TDRD1: variants seen among roughly 807,000 people sequenced by gnomAD.
The protein encoded by TDRD1 is tudor domain containing 1, also known as tudor domain-containing protein 1.
In TDRD1, 37 loss-of-function variants were observed where a neutral mutation model predicts 140.6. The ratio of observed to expected loss-of-function variants is 0.26; its 90% CI spans 0.20 to 0.35. The LOEUF is 0.35. Ranked by LOEUF, TDRD1 falls within the 10% of genes least tolerant of loss-of-function variation. The pLI, the probability that TDRD1 is intolerant of heterozygous loss-of-function variation, is 1.00. For missense variants in TDRD1, 1,243 were observed against 1,393.0 expected (o/e 0.89, Z 1.71); for synonymous variants, 506 against 475.7 (o/e 1.06, Z -0.83).
chr10:114,218,499 C>T (rs748563814), exon 18 of TDRD1: 26 of 1,611,590 alleles, frequency 1.6e-5, no homozygotes, highest in Admixed American at 3.3e-5. Flanking sequence ...ATGGAAACAT[C>T]GAAGAAGTTA....
intron 13 of TDRD1, 32 bp from the exon 14 acceptor site, chr10:114,211,834 A>G (rs1294626871): frequency 6.7e-7 from 1 of 1,488,400 alleles, no homozygotes; most frequent in African/African-American, 1.5e-5. Context: ...CAGTGGAAAA[A>G]TCATTTGAGA....
At chr10:114,213,107 A>G (rs967204633) in intron 14 of TDRD1, among the ~76,000 whole-genome samples, 9 of 152,074 alleles carry the variant, frequency 5.9e-5, no homozygotes, top group African/African-American at 2.2e-4. Flanking sequence ...GAGTCTGGCC[A>G]TGTTGCCCAG....
intron 1 of TDRD1, chr10:114,179,973 A>G (rs1322456295): frequency 6.6e-5 from 10 of 152,248 alleles, no homozygotes; most frequent in African/African-American, 1.9e-4. Flanking sequence ...CTGTATGCTT[A>G]AATCCAAGGC....
rs2036561982 is a variant in TDRD1 at position 114,228,343 on chromosome 10, G to T, written c.3538+218G>T. 5.4e-6 allele frequency: 7 copies of T among 1,301,968 alleles called. No individual in the cohort carries two copies. In the South Asian group the frequency reaches 1.4e-4, roughly 26 times the overall value. The allele number at this position is 1,301,968 out of a possible 1,614,324, so 80.7% of individuals were successfully genotyped here. A position where few individuals can be genotyped will look rare whatever the true frequency, so the allele number is the denominator to read the frequency against. On this transcript the variant is annotated intron_variant, in intron 25 of 25. Transcript: ENST00000251864. Reference sequence around the variant, plus strand: ...CTGCTAATGGAACTGAACCCCCAGGGGTATTCCAGTTGTAATAGCCTTTCC... The same window carrying T: ...CTGCTAATGGAACTGAACCCCCAGGTGTATTCCAGTTGTAATAGCCTTTCC...
rs1222440937 is a variant in TDRD1 at position 114,228,642 on chromosome 10, TG to T, written c.3538+519del. On this transcript the variant is annotated intron_variant, in intron 25 of 25. Transcript: ENST00000251864. ...AAAAACAAAACATACTCCCTGCTTTTGGCTGTGGTGATTCTAGTGTCTAAAG... is the reference window on the plus strand; with the variant it reads ...AAAAACAAAACATACTCCCTGCTTTTGCTGTGGTGATTCTAGTGTCTAAAG... The T allele has an allele frequency of 6.1e-6, 6 of 985,356 alleles. No individual in the cohort carries two copies. In the African/African-American group the frequency reaches 8.7e-5, roughly 14 times the overall value. The allele number at this position is 985,356 out of a possible 1,614,324, so 61.0% of individuals were successfully genotyped here. A position where few individuals can be genotyped will look rare whatever the true frequency, so the allele number is the denominator to read the frequency against.
At chr10:114,195,380 C>A (rs2034272581) in intron 3 of TDRD1, among the ~76,000 whole-genome samples, 1 of 152,112 alleles carries the variant, frequency 6.6e-6, no homozygotes, top group African/African-American at 2.4e-5. Flanking sequence ...GAGTTCTATC[C>A]TCTTGCTGAT....
At chr10:114,201,299 C>G in intron 4 of TDRD1, 111 bp from the exon 5 acceptor site, 1 of 821,632 alleles carries the variant, frequency 1.2e-6, no homozygotes, top group Non-Finnish European at 2.0e-6. Flanking sequence ...ACACCTGATC[C>G]TAAATAGCAC....
chr10:114,228,688 A>C, intron 25 of TDRD1: 1 of 985,382 alleles, frequency 1.0e-6, no homozygotes, highest in Non-Finnish European at 1.2e-6. Flanking sequence ...GTGAGTTTTA[A>C]ACCAGTGTTC....
intron 1 of TDRD1, among the ~76,000 whole-genome samples, chr10:114,187,544 G>T (rs2033631743): frequency 6.6e-6 from 1 of 152,160 alleles, no homozygotes; most frequent in Non-Finnish European, 1.5e-5. Context: ...AATTAGTGTT[G>T]CCTCAAAAGC....
intron 22 of TDRD1, among the ~76,000 whole-genome samples, chr10:114,226,749 A>G (rs2036461617): frequency 6.6e-6 from 1 of 152,188 alleles, no homozygotes; most frequent in Non-Finnish European, 1.5e-5. Context: ...TGCAGATAAT[A>G]CCATACCGAT....
chr10:114,207,969 TG>T (rs770468846), intron 11 of TDRD1, among the ~76,000 whole-genome samples: 4 of 151,744 alleles, frequency 2.6e-5, no homozygotes, highest in Non-Finnish European at 5.9e-5. Context: ...CGGAAGCAGG[TG>T]GGAGGGTACC....
intron 14 of TDRD1, 59 bp from the exon 15 acceptor site, chr10:114,213,287 A>C (rs1275867427): frequency 6.6e-7 from 1 of 1,508,550 alleles, no homozygotes; most frequent in African/African-American, 1.4e-5. Flanking sequence ...GGAAATTAGG[A>C]GCTAAATTTC....
chr10:114,202,806 C>T (rs1169055039), intron 6 of TDRD1, among the ~76,000 whole-genome samples: 2 of 152,192 alleles, frequency 1.3e-5, no homozygotes, highest in Admixed American at 6.5e-5. Flanking sequence ...ATAATACCTC[C>T]ACCACCACCA....
In TDRD1 at chr10:114,200,501, TTTG is replaced by T. The variant is rs1460870480; in HGVS notation, c.530-900_530-898del. 3.9e-5 allele frequency among the ~76,000 whole-genome samples: 6 copies of T among 152,310 alleles called. No individual in the cohort carries two copies. The South Asian group carries it at 1.2e-3, about 32-fold the overall frequency. ...TGGGTGTGATTCTCATTGTTTATTT[TTTG>T]TTGTTGTTTTTCACGATACACAGCC... On this transcript the variant is annotated intron_variant, in intron 4 of 25. Transcript: ENST00000251864.
exon 2 of TDRD1, chr10:114,187,944 A>G: frequency 1.2e-6 from 2 of 1,614,140 alleles, no homozygotes; most frequent in Non-Finnish European, 8.5e-7. Context: ...CTTCCACCAC[A>G]TGAGTCTTTA....
At chr10:114,226,337 A>C in intron 22 of TDRD1, 121 bp downstream of exon 22, 1 of 630,686 alleles carries the variant, frequency 1.6e-6, no homozygotes, top group Non-Finnish European at 2.7e-6. Flanking sequence ...ATGTTTTTAA[A>C]TATTAAGAGT....
At chr10:114,195,994 T>TA (rs1254550972) in intron 3 of TDRD1, among the ~76,000 whole-genome samples, 7 of 152,248 alleles carry the variant, frequency 4.6e-5, no homozygotes, top group Admixed American at 2.0e-4. Context: ...GCAGACACCT[T>TA]ACCTTCCCAT....
intron 17 of TDRD1, 45 bp from the exon 18 acceptor site, chr10:114,218,369 A>G (rs1021284337): frequency 2.3e-6 from 3 of 1,324,474 alleles, no homozygotes; most frequent in Middle Eastern, 2.0e-4. Flanking sequence ...TCAAGTGTCG[A>G]TAGAAAGGAA....
At chr10:114,192,592 C>G (rs1006637332) in intron 3 of TDRD1, among the ~76,000 whole-genome samples, 6 of 152,058 alleles carry the variant, frequency 3.9e-5, no homozygotes, top group African/African-American at 1.4e-4. Flanking sequence ...AGGCGTGAGC[C>G]ACCAGATAGT....
Sources: gnomAD v4.1 joint callset for allele counts (sites outside exome capture counted in the v4.1 genomes callset) on GRCh38, gnomAD v4.1.1 for gene constraint, MANE v1.5 for transcripts, NCBI Gene and HGNC (gene_info 2026-07-23, HGNC 2026-07-21) for gene names.